ANO6: variants seen among roughly 807,000 people sequenced by gnomAD.
ANO6 encodes the protein anoctamin-6.
ANO6 carries 106 observed loss-of-function variants against 117.5 expected under a neutral mutation model. The ratio of observed to expected loss-of-function variants is 0.90; its 90% CI spans 0.77 to 1.06. ANO6 has a LOEUF of 1.06. ANO6 is among the 50% of genes least tolerant of loss of function. The pLI is 0.00. For missense variants in ANO6, 955 were observed against 1,121.1 expected (o/e 0.85, Z 2.12); for synonymous variants, 367 against 385.1 (o/e 0.95, Z 0.55).
chr12:45,419,369 A>AAGAT (rs1358742154), intron 17 of ANO6, among the ~76,000 whole-genome samples: 5 of 152,216 alleles, frequency 3.3e-5, no homozygotes, highest in African/African-American at 1.2e-4. Flanking sequence ...ATTCTATAAA[A>AAGAT]AGATATAGTT....
intron 16 of ANO6, 131 bp downstream of exon 16, chr12:45,409,618 A>G: frequency 9.2e-7 from 1 of 1,092,022 alleles, no homozygotes; most frequent in Non-Finnish European, 1.4e-6. Flanking sequence ...TTTCTCCACT[A>G]GATAAAATTA....
Position 45,302,005 on chromosome 12 carries a change from C to G in ANO6, c.71-9C>G. 6.2e-7 allele frequency: 1 copy of G among 1,613,114 alleles called. No individual in the cohort carries two copies. Among genetic ancestry groups the G allele is most frequent in the Non-Finnish European group, 8.5e-7 (1 of 1,179,188 alleles). ...TGCTTCATTTGTTTATATATTCATT[C>G]GTTTTTAGTGTTGGAAAACCTTGGA... On this transcript the variant is annotated splice_polypyrimidine_tract_variant and intron_variant, in intron 1 of 19. Coordinates refer to ENST00000320560, the MANE Select transcript of ANO6 (RefSeq NM_001025356.3).
At chr12:45,251,089 C>CA (rs938729408) in intron 1 of ANO6, among the ~76,000 whole-genome samples, 1 of 151,534 alleles carries the variant, frequency 6.6e-6, no homozygotes, top group Non-Finnish European at 1.5e-5. Context: ...AAAAAACCCA[C>CA]AAAAAAACCC....
At chr12:45,436,458 T>C (rs375843778), downstream of ANO6, among the ~76,000 whole-genome samples, 6 of 152,298 alleles carry the variant, frequency 3.9e-5, no homozygotes, top group South Asian at 6.2e-4. Context: ...ATGGGGCTTG[T>C]TTCCACTACT....
Position 45,359,915 on chromosome 12 carries a change from A to C in ANO6, c.998+2491A>C, listed in dbSNP as rs1301704641. 2.0e-5 allele frequency among the ~76,000 whole-genome samples: 3 copies of C among 152,232 alleles called. No homozygotes were observed. The East Asian group carries it at 5.8e-4, about 29-fold the overall frequency. On this transcript the variant is annotated intron_variant, in intron 8 of 19. Transcript: ENST00000320560. ...TCCACCTGCAATGTATGAGGACAAT[A>C]ATATCTTCACATCCTCATCAGCACT...
chr12:45,396,347 A>G (rs1057308832), intron 12 of ANO6, among the ~76,000 whole-genome samples: 7 of 152,212 alleles, frequency 4.6e-5, no homozygotes, highest in African/African-American at 7.2e-5. Context: ...AAAAGAGAAC[A>G]CAAACAAATG....
At chr12:45,259,050 T>G (rs1334768438) in intron 1 of ANO6, among the ~76,000 whole-genome samples, 1 of 152,146 alleles carries the variant, frequency 6.6e-6, no homozygotes, top group East Asian at 1.9e-4. Flanking sequence ...TTCCATTATT[T>G]TCATTTAAGA....
At chr12:45,378,681 A>G (rs1942093557) in intron 10 of ANO6, among the ~76,000 whole-genome samples, 1 of 152,114 alleles carries the variant, frequency 6.6e-6, no homozygotes, top group African/African-American at 2.4e-5. Context: ...TGGGAGTACT[A>G]CCCAGTGGCT....
intron 1 of ANO6, chr12:45,256,552 TG>T (rs748841702): frequency 7.2e-5 from 11 of 152,300 alleles, no homozygotes; most frequent in Non-Finnish European, 1.3e-4. Flanking sequence ...AAACTTCATA[TG>T]CAAATTTAAG....
intron 2 of ANO6, among the ~76,000 whole-genome samples, chr12:45,324,399 C>T (rs10880773): frequency 0.94 from 143,396 of 152,276 alleles, 68,138 homozygotes; most frequent in East Asian, 1. Context: ...TGGTAGGAAT[C>T]GTCACAATCC....
chr12:45,353,914 ATGAAGT>A (rs966074081), intron 7 of ANO6, among the ~76,000 whole-genome samples: 2 of 152,230 alleles, frequency 1.3e-5, no homozygotes, highest in Non-Finnish European at 2.9e-5. Context: ...CATTAGAAAA[ATGAAGT>A]TGAAGAAATT....
chr12:45,278,065 G>A (rs10880765), intron 1 of ANO6, among the ~76,000 whole-genome samples: 8,254 of 151,858 alleles, frequency 0.054, 533 homozygotes, highest in East Asian at 0.35. Context: ...TATCCTCCCC[G>A]CTCAAACCAC....
intron 2 of ANO6, among the ~76,000 whole-genome samples, chr12:45,317,113 G>GTGTGTGTGTGTGTATATATATATATATA: frequency 1.5e-5 from 1 of 66,448 alleles, no homozygotes; most frequent in African/African-American, 4.1e-5. Flanking sequence ...CTTTTTATAT[G>GTGTGTGTGTGTGTATATATATATATATA]TATATATATA....
chr12:45,307,978 G>A (rs988005547), intron 2 of ANO6, among the ~76,000 whole-genome samples: 2 of 151,168 alleles, frequency 1.3e-5, no homozygotes, highest in South Asian at 4.2e-4. Context: ...AAAACAGAAT[G>A]GAAGAAGAGG....
chr12:45,359,167 AG>A (rs1191560253), intron 8 of ANO6, among the ~76,000 whole-genome samples: 1 of 152,216 alleles, frequency 6.6e-6, no homozygotes, highest in Non-Finnish European at 1.5e-5. Flanking sequence ...TGCACAATTT[AG>A]GTGTACCCCT....
chr12:45,386,486 TTCTGTCATACCTGCATCCA>T (rs60854021), intron 10 of ANO6, among the ~76,000 whole-genome samples: 13,005 of 137,918 alleles, frequency 0.094, 803 homozygotes, highest in East Asian at 0.25. Context: ...GCTAGCATCC[TTCTGTCATACCTGCATCCA>T]TCTGTCATAC....
At chr12:45,402,977 T>G (rs1942833264) in intron 13 of ANO6, 95 bp from the exon 14 acceptor site, 4 of 1,132,510 alleles carry the variant, frequency 3.5e-6, no homozygotes, top group Non-Finnish European at 5.2e-6. Flanking sequence ...TTTTTTAACG[T>G]GTTTAACGTG....
intron 1 of ANO6, among the ~76,000 whole-genome samples, chr12:45,229,390 GTTTTT>G (rs11422062): frequency 7.9e-6 from 1 of 127,338 alleles, no homozygotes; most frequent in African/African-American, 3.0e-5. Flanking sequence ...TTTATTTTTA[GTTTTT>G]TTTTTTTTTT....
At chr12:45,225,390 G>A (rs1947466579) in intron 1 of ANO6, among the ~76,000 whole-genome samples, 1 of 152,078 alleles carries the variant, frequency 6.6e-6, no homozygotes, top group Non-Finnish European at 1.5e-5. Flanking sequence ...GTCTTGAAGC[G>A]GGGAGAAGAT....
Sources: allele counts gnomAD v4.1 joint callset (sites outside exome capture counted in the v4.1 genomes callset), GRCh38; gene constraint gnomAD v4.1.1; transcripts MANE v1.5; gene names NCBI Gene and HGNC (gene_info 2026-07-23, HGNC 2026-07-21).